CUL3: variants seen among roughly 807,000 people sequenced by gnomAD.
The protein encoded by CUL3 is cullin-3.
Under a neutral mutation model 89.1 loss-of-function variants are expected in CUL3, and 19 were observed. The ratio of observed to expected loss-of-function variants is 0.21; its 90% CI spans 0.15 to 0.31. The LOEUF (loss-of-function observed/expected upper bound fraction) is 0.31, where lower values mean the gene tolerates loss of function less well. Ranked by LOEUF, CUL3 falls within the 10% of genes least tolerant of loss-of-function variation. CUL3 has a pLI of 1.00. For synonymous variants in CUL3, 351 were observed against 308.4 expected (o/e 1.14, Z -1.45); for missense variants, 469 against 942.3 (o/e 0.50, Z 6.58).
chr2:224,541,275 C>A (rs981893101), intron 2 of CUL3, among the ~76,000 whole-genome samples: 1 of 150,312 alleles, frequency 6.7e-6, no homozygotes, highest in Non-Finnish European at 1.5e-5. Context: ...TAAAAATGAG[C>A]AAAAGACTTG....
intron 15 of CUL3, chr2:224,474,581 C>T (rs975708209): frequency 9.9e-6 from 5 of 505,972 alleles, no homozygotes; most frequent in Non-Finnish European, 1.8e-5. Context: ...AATGTGAATG[C>T]TAAAGTGGAT....
chr2:224,520,361 C>G (rs536551107), intron 3 of CUL3, among the ~76,000 whole-genome samples: 20 of 152,350 alleles, frequency 1.3e-4, no homozygotes, highest in South Asian at 4.1e-4. Context: ...CTCATGCCCC[C>G]CTTTTCACAG....
At chr2:224,564,381 A>G (rs901034013) in intron 1 of CUL3, among the ~76,000 whole-genome samples, 1 of 152,234 alleles carries the variant, frequency 6.6e-6, no homozygotes, top group Non-Finnish European at 1.5e-5. Flanking sequence ...CTACAGAAGT[A>G]TGGCCACTAT....
intron 2 of CUL3, 113 bp from the exon 3 acceptor site, chr2:224,535,754 A>C: frequency 2.8e-6 from 2 of 702,910 alleles, no homozygotes; most frequent in South Asian, 1.6e-5. Flanking sequence ...ATTTAAATCA[A>C]AGAAATGTTA....
rs1027225976 is a variant in CUL3, at chr2:224,478,114, T to C, written c.2175+86A>G. 1.5e-5 allele frequency: 21 copies of C among 1,357,976 alleles called. No individual in the cohort carries two copies. The Admixed American group carries it at 1.6e-4, about 10-fold the overall frequency. The allele number at this position is 1,357,976 out of a possible 1,614,324, so 84.1% of individuals were successfully genotyped here. ...TCACTAGGATTTCTTAATTGTAAAATTGTTTTTAAAATTAGTTGAATACAA... is the reference window on the plus strand; with the variant it reads ...TCACTAGGATTTCTTAATTGTAAAACTGTTTTTAAAATTAGTTGAATACAA... On this transcript the variant is annotated intron_variant, in intron 15 of 15. Transcript: ENST00000264414.
At chr2:224,523,944 G>C (rs1242395470) in intron 3 of CUL3, among the ~76,000 whole-genome samples, 1 of 152,160 alleles carries the variant, frequency 6.6e-6, no homozygotes, top group East Asian at 1.9e-4. Flanking sequence ...AGTGAGTACA[G>C]AATTTCAGTT....
intron 1 of CUL3, among the ~76,000 whole-genome samples, chr2:224,575,110 G>A (rs1406891915): frequency 6.6e-6 from 1 of 152,204 alleles, no homozygotes; most frequent in African/African-American, 2.4e-5. Flanking sequence ...ATAATTGAAA[G>A]GGAAGAATGC....
At chr2:224,520,311 G>A (rs1331593276) in intron 3 of CUL3, among the ~76,000 whole-genome samples, 1 of 152,224 alleles carries the variant, frequency 6.6e-6, no homozygotes, top group African/African-American at 2.4e-5. Flanking sequence ...AAGCTAGGTG[G>A]ACCTGTGGTG....
chr2:224,576,017 T>C (rs1328765324), intron 1 of CUL3, among the ~76,000 whole-genome samples: 1 of 152,194 alleles, frequency 6.6e-6, no homozygotes. Context: ...ATTAACATAG[T>C]ATCTGTGAGG....
intron 2 of CUL3, among the ~76,000 whole-genome samples, chr2:224,540,826 A>G (rs1157870611): frequency 6.6e-6 from 1 of 151,904 alleles, no homozygotes; most frequent in Non-Finnish European, 1.5e-5. Context: ...CCATCCTCCA[A>G]CAGGCCCTGG....
intron 3 of CUL3, among the ~76,000 whole-genome samples, chr2:224,524,762 A>G (rs1693403257): frequency 6.6e-6 from 1 of 152,204 alleles, no homozygotes; most frequent in African/African-American, 2.4e-5. Flanking sequence ...TTCAAATTTT[A>G]AAACACCATG....
chr2:224,492,068 C>T (rs112298161), intron 13 of CUL3, among the ~76,000 whole-genome samples: 36 of 152,166 alleles, frequency 2.4e-4, no homozygotes, highest in African/African-American at 8.4e-4. Flanking sequence ...TGATGAATAA[C>T]CTTAAGCTTT....
At position 224,478,344 on chromosome 2, in the gene CUL3, A is replaced by C; in HGVS notation, c.2031T>G (p.Val677=). Residue 677 remains valine, a splice_region_variant and synonymous_variant, in exon 15 of 16, where the codon GTT becomes GTG. Transcript: ENST00000264414. The part of the protein sequence containing the change: ...SKLHRVKIQT[V]AAKQGESDPE... ...GGTCGGATTCACCTTGTTTGGCAGC[A>C]ACTAAAATAGAAATAAAGACATTTA... is the stretch of plus-strand genomic sequence containing the variant. 1 of 1,606,034 alleles carries C rather than the reference A, an allele frequency of 6.2e-7. No individual in the cohort carries two copies. The highest frequency in any genetic ancestry group is 8.5e-7 in the Non-Finnish European group (1 of 1,177,602).
At chr2:224,569,692 T>A (rs1298052411) in intron 1 of CUL3, 34 of 1,194,766 alleles carry the variant, frequency 2.8e-5, no homozygotes, top group Non-Finnish European at 3.5e-5. Flanking sequence ...TACTTACACA[T>A]CTTGAAGGTT....
At chr2:224,542,968 A>C (rs1694172400) in intron 2 of CUL3, among the ~76,000 whole-genome samples, 1 of 152,178 alleles carries the variant, frequency 6.6e-6, no homozygotes, top group Non-Finnish European at 1.5e-5. Context: ...TGGAGAGCTG[A>C]AGGACATAAT....
At chr2:224,524,717 A>T (rs1003827657) in intron 3 of CUL3, among the ~76,000 whole-genome samples, 2 of 152,158 alleles carry the variant, frequency 1.3e-5, no homozygotes, top group African/African-American at 2.4e-5. Context: ...GGTATCATGC[A>T]GGGCCTCCAC....
intron 1 of CUL3, chr2:224,569,813 A>G (rs1045408045): frequency 2.1e-5 from 23 of 1,091,032 alleles, no homozygotes; most frequent in Non-Finnish European, 2.6e-5. Flanking sequence ...GTCCTCTGTG[A>G]ATAATTTTCT....
chr2:224,511,717 A>T, intron 5 of CUL3, 135 bp from the exon 6 acceptor site: 1 of 561,168 alleles, frequency 1.8e-6, no homozygotes, highest in South Asian at 2.6e-5. Flanking sequence ...GTAATTTCTC[A>T]TTACACGAAA....
chr2:224,506,358 A>C (rs907797251), intron 7 of CUL3, among the ~76,000 whole-genome samples: 1 of 152,180 alleles, frequency 6.6e-6, no homozygotes, highest in African/African-American at 2.4e-5. Context: ...AATGCAAACG[A>C]ACCAAAGAAC....
Sources: gnomAD v4.1 joint callset for allele counts (sites outside exome capture counted in the v4.1 genomes callset) on GRCh38, gnomAD v4.1.1 for gene constraint, MANE v1.5 for transcripts, NCBI Gene and HGNC (gene_info 2026-07-23, HGNC 2026-07-21) for gene names.